The following DNAJC5 variants were observed in gnomAD, a reference collection of about 807,000 sequenced individuals.
DNAJC5 encodes dnaJ homolog subfamily C member 5.
Under a neutral mutation model 23.2 loss-of-function variants are expected in DNAJC5, and 1 was observed. The observed-to-expected ratio is 0.04, with a 90% CI of 0.02 to 0.20. The LOEUF (loss-of-function observed/expected upper bound fraction) is 0.20, where lower values mean the gene tolerates loss of function less well. DNAJC5 is among the 10% of genes least tolerant of loss of function. DNAJC5 has a pLI of 1.00. For missense variants in DNAJC5, 180 were observed against 267.0 expected, an observed-to-expected ratio of 0.67 and a Z score of 2.27; for synonymous variants, 136 against 120.0, an observed-to-expected ratio of 1.13 and a Z score of -0.87.
At position 63,930,210 on chromosome 20, in the gene DNAJC5, G is replaced by A. The variant is rs543493727; in HGVS notation, c.322-641G>A. Among the ~76,000 whole-genome samples, 10 of 152,296 alleles carry A rather than the reference G, an allele frequency of 6.6e-5. No homozygotes were observed. The East Asian group carries it at 1.4e-3, about 21-fold the overall frequency. Reference sequence around the variant, plus strand: ...TTTAGTTAATGTTAGACAGAGTCTCGCTCTGTTGCCCAGACTGGAGTGCTG... The same window carrying A: ...TTTAGTTAATGTTAGACAGAGTCTCACTCTGTTGCCCAGACTGGAGTGCTG... On this transcript the variant is annotated intron_variant, in intron 3 of 4. Coordinates refer to ENST00000360864, the MANE Select transcript of DNAJC5 (RefSeq NM_025219.3).
At chr20:63,925,904 T>G (rs1158456918) in intron 1 of DNAJC5, among the ~76,000 whole-genome samples, 2 of 147,782 alleles carry the variant, frequency 1.4e-5, no homozygotes, top group African/African-American at 5.0e-5. Flanking sequence ...CTCTGCTCAC[T>G]GCAAGCTCCG....
chr20:63,902,102 T>C (rs2146271561), intron 1 of DNAJC5, among the ~76,000 whole-genome samples: 1 of 152,214 alleles, frequency 6.6e-6, no homozygotes, highest in East Asian at 1.9e-4. Flanking sequence ...TCGCCCAGGC[T>C]GGAGTGCAGT....
rs2053674097 is a variant in DNAJC5, at chr20:63,931,742, G to A, written c.*174G>A. The A allele has an allele frequency of 1.5e-6, 1 of 683,218 alleles. No homozygotes were observed. The highest frequency in any genetic ancestry group is 1.6e-5 in the South Asian group (1 of 64,388). 42.3% of individuals were successfully genotyped at this position (683,218 alleles called of 1,614,324 possible). On this transcript the variant is annotated 3_prime_UTR_variant, in exon 5 of 5. Coordinates refer to ENST00000360864, the MANE Select transcript of DNAJC5 (RefSeq NM_025219.3). This position sits in a 1 kb window ranked among gnomAD's most constrained non-coding sequence, Gnocchi z 9.6. ...CGACCCTTGACCCACGAAGTGCGTA[G>A]CATGCAGTATTTAAAGCAGTGTAGC...
intron 1 of DNAJC5, among the ~76,000 whole-genome samples, chr20:63,918,455 A>AT (rs1186275011): frequency 6.6e-6 from 1 of 152,212 alleles, no homozygotes; most frequent in Non-Finnish European, 1.5e-5. Context: ...ACATGAGGTA[A>AT]TTTTTTAGAA....
At chr20:63,897,438 C>T (rs532599026) in intron 1 of DNAJC5, among the ~76,000 whole-genome samples, 8 of 149,128 alleles carry the variant, frequency 5.4e-5, no homozygotes, top group Non-Finnish European at 8.9e-5. Context: ...TGGTGGTGGG[C>T]GTCCGTAATC....
At chr20:63,915,030 GTGGAGGT>G (rs1339368788) in intron 1 of DNAJC5, among the ~76,000 whole-genome samples, 39 of 152,282 alleles carry the variant, frequency 2.6e-4, no homozygotes, top group African/African-American at 8.4e-4. Context: ...GGCCTCCTGC[GTGGAGGT>G]TTGCAGTAAG....
In DNAJC5 at chr20:63,920,114, G is replaced by GGGACAGCGCCACGGAAGAGGACGCACA. The variant is rs1197698399; in HGVS notation, c.-11-8194_-11-8168dup. On this transcript the variant is annotated intron_variant, in intron 1 of 4. Coordinates refer to ENST00000360864, the MANE Select transcript of DNAJC5 (RefSeq NM_025219.3). The surrounding 1 kb of genome is among the most constrained non-coding windows in gnomAD (Gnocchi z 4.6). ...CTGTGTGGACATGTGCCCAGGGCCC[G>GGGACAGCGCCACGGAAGAGGACGCACA]GGACAGCGCCACGGAAGAGGACGCA... 7.0e-6 allele frequency among the ~76,000 whole-genome samples: 1 copy of GGGACAGCGCCACGGAAGAGGACGCACA among 142,990 alleles called. No individual in the cohort carries two copies. Among genetic ancestry groups the GGGACAGCGCCACGGAAGAGGACGCACA allele is most frequent in the East Asian group, 2.1e-4 (1 of 4,784 alleles). 93.8% of individuals were successfully genotyped at this position (142,990 alleles called of 152,430 possible). A position where few individuals can be genotyped will look rare whatever the true frequency, so the allele number is the denominator to read the frequency against.
At position 63,929,019 on chromosome 20, in the gene DNAJC5, C is replaced by T. The variant is rs766402389; in HGVS notation, c.108-293C>T. ...CACTTGGCACTTGTGCAGTTAGCGG[C>T]TGGGACACCAGGGCTGGCCTTGGTG... On this transcript the variant is annotated intron_variant, in intron 2 of 4. Transcript: ENST00000360864. The surrounding 1 kb of genome is among the most constrained non-coding windows in gnomAD (Gnocchi z 8.6). Among the ~76,000 whole-genome samples the T allele has an allele frequency of 3.7e-4, 57 of 152,384 alleles. No individual in the cohort carries two copies. The highest frequency in any genetic ancestry group is 7.3e-4 in the Non-Finnish European group (50 of 68,036).
Position 63,931,416 on chromosome 20 carries a change from C to T in DNAJC5, c.494-49C>T, listed in dbSNP as rs1305184721. Reference sequence around the variant, plus strand: ...CGCTCCACAGGACCAGCGTTGGGTGCGCGCCAGGCTGTGGCCCTCGTGCAG... The same window carrying T: ...CGCTCCACAGGACCAGCGTTGGGTGTGCGCCAGGCTGTGGCCCTCGTGCAG... On this transcript the variant is annotated intron_variant, in intron 4 of 4. Coordinates refer to ENST00000360864, the MANE Select transcript of DNAJC5 (RefSeq NM_025219.3). The surrounding 1 kb of genome is among the most constrained non-coding windows in gnomAD (Gnocchi z 9.6). 1.3e-5 allele frequency: 20 copies of T among 1,500,892 alleles called. No individual in the cohort carries two copies. Among genetic ancestry groups the T allele is most frequent in the African/African-American group, 2.8e-5 (2 of 72,404 alleles). 93.0% of individuals were successfully genotyped at this position (1,500,892 alleles called of 1,614,324 possible).
At chr20:63,911,700 G>T (rs2053483720) in intron 1 of DNAJC5, among the ~76,000 whole-genome samples, 1 of 151,914 alleles carries the variant, frequency 6.6e-6, no homozygotes, top group Admixed American at 6.6e-5. Flanking sequence ...TTGAGACAGG[G>T]TCTTGCTCTG....
chr20:63,900,919 G>A (rs2146270342), intron 1 of DNAJC5, among the ~76,000 whole-genome samples: 1 of 152,118 alleles, frequency 6.6e-6, no homozygotes, highest in East Asian at 1.9e-4. Context: ...AATCATTTAC[G>A]AGGTGAAGTG....
Position 63,920,658 on chromosome 20 carries a change from G to C in DNAJC5, c.-11-7677G>C, listed in dbSNP as rs1319876211. On this transcript the variant is annotated intron_variant, in intron 1 of 4. Coordinates refer to ENST00000360864, the MANE Select transcript of DNAJC5 (RefSeq NM_025219.3). The surrounding 1 kb of genome is among the most constrained non-coding windows in gnomAD (Gnocchi z 4.6). ...TTGTAAAACGTGACCCTTTTTGTTT[G>C]CTTTTAATTTTTAATTTTTATTTAT... Among the ~76,000 whole-genome samples, 1 of 152,156 alleles carries C rather than the reference G, an allele frequency of 6.6e-6. No homozygotes were observed. Among genetic ancestry groups the C allele is most frequent in the Non-Finnish European group, 1.5e-5 (1 of 68,024 alleles).
intron 1 of DNAJC5, among the ~76,000 whole-genome samples, chr20:63,923,585 C>T (rs947245213): frequency 2.6e-5 from 4 of 151,894 alleles, no homozygotes; most frequent in Admixed American, 2.0e-4. Context: ...AATAGCTGGG[C>T]GTGGTATTGC....
rs202110085 is a variant in DNAJC5, at chr20:63,925,426, T to A, written c.-11-2909T>A. Among the ~76,000 whole-genome samples the A allele has an allele frequency of 2.6e-5, 4 of 152,242 alleles. No homozygotes were observed. The East Asian group carries it at 7.7e-4, about 29-fold the overall frequency. ...TGAACCCGGGAGGCAGAGATTGCAG[T>A]GAACTGAGGTCACACCACTGCACTC... On this transcript the variant is annotated intron_variant, in intron 1 of 4. Transcript: ENST00000360864.
rs546069605 is a variant in DNAJC5 at position 63,931,041 on chromosome 20, GC to G, written c.493+22del. On this transcript the variant is annotated intron_variant, in intron 4 of 4. Transcript: ENST00000360864. This position sits in a 1 kb window ranked among gnomAD's most constrained non-coding sequence, Gnocchi z 9.6. ...GAGAGGGGTGAGTGCCCGCCCCAGG[GC>G]CCGTGTGTGTGTGTGGGGCAGAGCC... is the stretch of plus-strand genomic sequence containing the variant. 58 of 1,612,284 alleles carry G rather than the reference GC, an allele frequency of 3.6e-5. No homozygotes were observed. Among genetic ancestry groups the G allele is most frequent in the Non-Finnish European group, 4.7e-5 (56 of 1,179,286 alleles).
chr20:63,914,778 G>A (rs561055148), intron 1 of DNAJC5, among the ~76,000 whole-genome samples: 3 of 151,916 alleles, frequency 2.0e-5, no homozygotes, highest in South Asian at 4.2e-4. Context: ...ACCACGCCCT[G>A]CTAATTTCTG....
At chr20:63,902,611 A>G (rs1600860005) in intron 1 of DNAJC5, among the ~76,000 whole-genome samples, 2 of 118,140 alleles carry the variant, frequency 1.7e-5, no homozygotes, top group Non-Finnish European at 3.5e-5. Flanking sequence ...CAGGTGATCC[A>G]CTCACCTCGG....
chr20:63,904,720 G>C (rs752467721), intron 1 of DNAJC5, among the ~76,000 whole-genome samples: 1 of 152,202 alleles, frequency 6.6e-6, no homozygotes, highest in Non-Finnish European at 1.5e-5. Context: ...CTGCCTCCCA[G>C]TAAAGCCTTA....
intron 1 of DNAJC5, among the ~76,000 whole-genome samples, chr20:63,910,671 G>GTTTGA (rs768288017): frequency 0.2 from 19,937 of 101,714 alleles, 1,520 homozygotes; most frequent in East Asian, 0.49. Context: ...TTTTGAGAAT[G>GTTTGA]TTTTTTTTTT....
Sources: allele counts gnomAD v4.1 joint callset (sites outside exome capture counted in the v4.1 genomes callset), GRCh38; gene constraint gnomAD v4.1.1; non-coding constraint Gnocchi (gnomAD v3.1); transcripts MANE v1.5; gene names NCBI Gene and HGNC (gene_info 2026-07-23, HGNC 2026-07-21).